ZFYVE1: variants seen among roughly 807,000 people sequenced by gnomAD.
The protein encoded by ZFYVE1 is zinc finger FYVE domain-containing protein 1.
A neutral mutation model predicts 74.4 loss-of-function variants in ZFYVE1; 30 were observed. The ratio of observed to expected loss-of-function variants is 0.40; its 90% confidence interval spans 0.30 to 0.55. The LOEUF (loss-of-function observed/expected upper bound fraction) is 0.55, where lower values mean the gene tolerates loss of function less well. Among genes scored for constraint, ZFYVE1 ranks in the 20% least tolerant of loss-of-function variants. ZFYVE1 has a pLI of 0.42. For missense variants in ZFYVE1, 703 were observed against 1,011.6 expected (o/e 0.69, Z 4.14); for synonymous variants, 335 against 385.1 (o/e 0.87, Z 1.52).
chr14:73,021,372 A>C (rs1360235579), intron 2 of ZFYVE1, among the ~76,000 whole-genome samples: 2 of 151,778 alleles, frequency 1.3e-5, no homozygotes, highest in Non-Finnish European at 2.9e-5. Context: ...TAAATAAATA[A>C]ATAAATAAAT....
rs780227241 is a variant in ZFYVE1, at chr14:72,998,204, G to A, written c.595C>T (p.His199Tyr). 1 of 1,613,746 alleles carries A rather than the reference G, an allele frequency of 6.2e-7. No individual in the cohort carries two copies. Among genetic ancestry groups the A allele is most frequent in the South Asian group, 1.1e-5 (1 of 91,058 alleles). The change falls in exon 3 of 12, where the codon CAC becomes TAC. Residue 199 changes from histidine (H) to tyrosine (Y), a missense_variant. Physicochemically the swap from His to Tyr is moderately conservative, Grantham distance 83. This residue lies in a region of ZFYVE1 where 492 missense variants were observed against 790.0 expected (regional missense o/e 0.62). Coordinates refer to ENST00000556143, the MANE Select transcript of ZFYVE1 (RefSeq NM_021260.4). ...ACTTCACGACCATAAAAGAAAGTGTGGTTGAGAGTATGAGACTTTCCATCA... is the reference window on the plus strand; with the variant it reads ...ACTTCACGACCATAAAAGAAAGTGTAGTTGAGAGTATGAGACTTTCCATCA... ...TGDGKSHTLN[H>Y]TFFYGREVFK...
At chr14:72,972,607 C>T (rs777002592) in intron 11 of ZFYVE1, among the ~76,000 whole-genome samples, 4 of 152,188 alleles carry the variant, frequency 2.6e-5, no homozygotes, top group African/African-American at 9.7e-5. Context: ...GCCAGCCTTG[C>T]GTAAGCCTGC....
chr14:72,988,612 G>A (rs1188021020), intron 4 of ZFYVE1, among the ~76,000 whole-genome samples: 2 of 151,514 alleles, frequency 1.3e-5, no homozygotes, highest in Non-Finnish European at 2.9e-5. Flanking sequence ...TTCCAGGCCA[G>A]CCTGGCCAAC....
intron 2 of ZFYVE1, among the ~76,000 whole-genome samples, chr14:73,006,430 C>T (rs1893980686): frequency 6.6e-6 from 1 of 151,646 alleles, no homozygotes; most frequent in African/African-American, 2.4e-5. Context: ...TAAAAATTAG[C>T]TGGGTGTGGT....
chr14:73,015,795 C>T (rs1166403877), intron 2 of ZFYVE1, among the ~76,000 whole-genome samples: 4 of 152,168 alleles, frequency 2.6e-5, no homozygotes, highest in South Asian at 2.1e-4. Context: ...CCAAGCCACA[C>T]GATGGGTCTT....
intron 3 of ZFYVE1, among the ~76,000 whole-genome samples, chr14:72,994,095 G>T (rs1044617432): frequency 1.3e-5 from 2 of 151,448 alleles, no homozygotes; most frequent in African/African-American, 4.9e-5. Flanking sequence ...AGCTGAGGTG[G>T]GTGGATCACC....
At chr14:72,986,213 C>T (rs1893475390) in intron 4 of ZFYVE1, among the ~76,000 whole-genome samples, 1 of 152,148 alleles carries the variant, frequency 6.6e-6, no homozygotes, top group African/African-American at 2.4e-5. Context: ...TGATTTGCCA[C>T]AGTACATATG....
chr14:73,023,563 C>T (rs148987182), intron 2 of ZFYVE1, among the ~76,000 whole-genome samples: 1 of 150,096 alleles, frequency 6.7e-6, no homozygotes, highest in East Asian at 1.9e-4. Flanking sequence ...AGCTAGCACT[C>T]CCATGGGACC....
Position 72,969,626 on chromosome 14 carries a change from C to A in ZFYVE1, c.*1256G>T. ...GACCGCCATATACTTCCCTAAAGCT[C>A]AACCCACCCACCAGTTCAGTTAAGA... is the stretch of plus-strand genomic sequence containing the variant. On this transcript the variant is annotated 3_prime_UTR_variant, in exon 12 of 12. Transcript: ENST00000556143. 1 of 689,820 alleles carries A rather than the reference C, an allele frequency of 1.4e-6. No individual in the cohort carries two copies. The highest frequency in any genetic ancestry group is 1.5e-5 in the South Asian group (1 of 64,954). The allele number at this position is 689,820 out of a possible 1,614,324, so 42.7% of individuals were successfully genotyped here.
Position 72,975,932 on chromosome 14 carries a change from C to G in ZFYVE1, c.1636-211G>C. On this transcript the variant is annotated intron_variant, in intron 8 of 11. Transcript: ENST00000556143. The surrounding 1 kb of genome is among the most constrained non-coding windows in gnomAD (Gnocchi z 4.1). ...TGATGTGTAGCTGTTCAATTCAGGACTTACTAAGCCCATATAATACAGGAG... is the reference window on the plus strand; with the variant it reads ...TGATGTGTAGCTGTTCAATTCAGGAGTTACTAAGCCCATATAATACAGGAG... 3.5e-6 allele frequency: 2 copies of G among 578,406 alleles called. No individual in the cohort carries two copies. Among genetic ancestry groups the G allele is most frequent in the Non-Finnish European group, 5.9e-6 (2 of 337,664 alleles). The allele number at this position is 578,406 out of a possible 1,614,324, so 35.8% of individuals were successfully genotyped here.
chr14:72,974,067 C>T lies in ZFYVE1; in HGVS notation c.2101+13G>A, dbSNP rs376835209. 3 of 1,613,420 alleles carry T rather than the reference C, an allele frequency of 1.9e-6. No homozygotes were observed. The African/African-American group carries it at 4.0e-5, about 22-fold the overall frequency. Reference sequence around the variant, plus strand: ...GCATCCACTACCCCCAAGAGAAGCACTGCCAGGCCCACCTAGTGGTATGTC... The same window carrying T: ...GCATCCACTACCCCCAAGAGAAGCATTGCCAGGCCCACCTAGTGGTATGTC... On this transcript the variant is annotated intron_variant, in intron 11 of 11. Coordinates refer to ENST00000556143, the MANE Select transcript of ZFYVE1 (RefSeq NM_021260.4).
intron 11 of ZFYVE1, among the ~76,000 whole-genome samples, chr14:72,972,279 C>G (rs982877449): frequency 3.3e-5 from 5 of 152,112 alleles, no homozygotes; most frequent in African/African-American, 1.2e-4. Context: ...CCTTCAAGAA[C>G]TGTGATGAGG....
chr14:72,997,128 A>T (rs1366164360), intron 3 of ZFYVE1, among the ~76,000 whole-genome samples: 1 of 152,136 alleles, frequency 6.6e-6, no homozygotes, highest in African/African-American at 2.4e-5. Flanking sequence ...CGTGGTCCTA[A>T]GGCCGACCCT....
chr14:72,973,061 G>A (rs927619867), intron 11 of ZFYVE1, among the ~76,000 whole-genome samples: 3 of 152,130 alleles, frequency 2.0e-5, no homozygotes, highest in African/African-American at 7.2e-5. Context: ...ACTAAAGACA[G>A]CCATAGAATC....
chr14:72,990,217 C>T (rs1893575507), intron 4 of ZFYVE1, among the ~76,000 whole-genome samples: 1 of 152,170 alleles, frequency 6.6e-6, no homozygotes. Flanking sequence ...CTGCAAAATT[C>T]TCTAGGGAGA....
At chr14:73,001,466 G>A (rs1893871580) in intron 2 of ZFYVE1, among the ~76,000 whole-genome samples, 1 of 152,024 alleles carries the variant, frequency 6.6e-6, no homozygotes, top group African/African-American at 2.4e-5. Flanking sequence ...CATTGTCTAT[G>A]GCCATACCCC....
chr14:73,000,101 A>C (rs1406043570), intron 2 of ZFYVE1, among the ~76,000 whole-genome samples: 2 of 152,182 alleles, frequency 1.3e-5, no homozygotes, highest in African/African-American at 4.8e-5. Context: ...AAATCTAATA[A>C]GACTAGTATT....
In ZFYVE1 at chr14:72,969,993, G is replaced by A. The variant is rs1410826542; in HGVS notation, c.*889C>T. 1.0e-5 allele frequency: 5 copies of A among 489,716 alleles called. No individual in the cohort carries two copies. In the South Asian group the frequency reaches 1.1e-4, roughly 11 times the overall value. 30.3% of individuals were successfully genotyped at this position (489,716 alleles called of 1,614,324 possible). A position where few individuals can be genotyped will look rare whatever the true frequency, so the allele number is the denominator to read the frequency against. ...AAATAAGCAATGAAAATCCTAGTGC[G>A]ACACTCAGAAGCAGATGGTGGGCTT... On this transcript the variant is annotated 3_prime_UTR_variant, in exon 12 of 12. Coordinates refer to ENST00000556143, the MANE Select transcript of ZFYVE1 (RefSeq NM_021260.4).
At chr14:73,018,223 G>C (rs1416823689) in intron 2 of ZFYVE1, among the ~76,000 whole-genome samples, 3 of 151,962 alleles carry the variant, frequency 2.0e-5, no homozygotes, top group Admixed American at 1.3e-4. Context: ...CTGAGGTCTG[G>C]AGTCCAAGAC....
Sources: allele counts gnomAD v4.1 joint callset (sites outside exome capture counted in the v4.1 genomes callset), GRCh38; gene constraint gnomAD v4.1.1; regional missense constraint gnomAD v4.1.1; non-coding constraint Gnocchi (gnomAD v3.1); transcripts MANE v1.5; gene names NCBI Gene and HGNC (gene_info 2026-07-23, HGNC 2026-07-21).